Variants in CSMD1 observed in about 807,000 individuals in gnomAD.
CSMD1 encodes CUB and sushi domain-containing protein 1.
CSMD1 carries 213 observed loss-of-function variants against 417.5 expected under a neutral mutation model. The ratio of observed to expected loss-of-function variants is 0.51; its 90% confidence interval spans 0.46 to 0.57. The LOEUF (loss-of-function observed/expected upper bound fraction) is 0.57. Among genes scored for constraint, CSMD1 ranks in the 20% least tolerant of loss-of-function variants. The probability of loss-of-function intolerance (pLI) is 0.00; values close to 1 mark genes in which losing one functional copy is unlikely to be tolerated. For synonymous variants in CSMD1, 2,862 were observed against 1,736.8 expected (o/e 1.65, Z -16.11); for missense variants, 6,923 against 4,529.7 (o/e 1.53, Z -15.17).
In CSMD1 at chr8:2,974,516, A is replaced by G. The variant is rs373809060; in HGVS notation, c.8675T>C (p.Ile2892Thr). The G allele has an allele frequency of 5.0e-6, 8 of 1,613,658 alleles. No individual in the cohort carries two copies. The Admixed American group carries it at 8.3e-5, about 17-fold the overall frequency. Residue 2892 changes from isoleucine (I) to threonine (T), a missense_variant, in exon 56 of 70, where the codon ATA (isoleucine) becomes ACA (threonine). Ile to Thr is a moderately conservative substitution (Grantham distance 89). Coordinates refer to ENST00000635120, the MANE Select transcript of CSMD1 (RefSeq NM_033225.6). ...CTGGCACACTCTCGTGTCGTTGCCT[A>G]TGAGGCTCTCGCTCCCTCTGCAGGA... ...HYSCRGSESL[I>T]GNDTRVCQED...
intron 1 of CSMD1, among the ~76,000 whole-genome samples, chr8:4,818,069 A>G (rs1468445795): frequency 6.6e-6 from 1 of 152,172 alleles, no homozygotes; most frequent in Non-Finnish European, 1.5e-5. Flanking sequence ...AAGGTAACCA[A>G]CTCAGGAGGA....
chr8:3,025,514 G>A (rs1005733765), intron 51 of CSMD1, among the ~76,000 whole-genome samples: 46 of 152,182 alleles, frequency 3.0e-4, no homozygotes, highest in Admixed American at 2.9e-3. Context: ...GTGTTATTCC[G>A]AAACAGCTCT....
rs76469332 is a variant in CSMD1 at position 4,150,208 on chromosome 8, G to A, written c.416-118109C>T. ...GCATCTGTCTTGTAGTCACAGGATCGGCCCCAGGAAAACAGGGCCATTTTT... is the reference window on the plus strand; with the variant it reads ...GCATCTGTCTTGTAGTCACAGGATCAGCCCCAGGAAAACAGGGCCATTTTT... On this transcript the variant is annotated intron_variant, in intron 3 of 69. Coordinates refer to ENST00000635120, the MANE Select transcript of CSMD1 (RefSeq NM_033225.6). 4.2e-3 allele frequency among the ~76,000 whole-genome samples: 643 copies of A among 152,178 alleles called. 5 individuals are homozygous for A. The highest frequency in any genetic ancestry group is 0.014 in the Middle Eastern group (4 of 294).
chr8:3,300,510 C>G (rs558065495), intron 25 of CSMD1, among the ~76,000 whole-genome samples: 1 of 152,090 alleles, frequency 6.6e-6, no homozygotes, highest in Non-Finnish European at 1.5e-5. Flanking sequence ...ACTGACTCTG[C>G]TTTATAGAAA....
intron 3 of CSMD1, among the ~76,000 whole-genome samples, chr8:4,068,012 C>T (rs190896500): frequency 5.3e-5 from 8 of 151,822 alleles, no homozygotes; most frequent in East Asian, 3.9e-4. Flanking sequence ...TGAGTGGGGG[C>T]GAAGGTTGCA....
At chr8:4,519,597 C>T (rs1159805333) in intron 2 of CSMD1, among the ~76,000 whole-genome samples, 2 of 150,908 alleles carry the variant, frequency 1.3e-5, no homozygotes, top group East Asian at 2.0e-4. Flanking sequence ...AAAATTAGCC[C>T]GACATGGTTG....
intron 7 of CSMD1, among the ~76,000 whole-genome samples, chr8:3,666,520 C>A (rs2117490016): frequency 6.6e-6 from 1 of 152,284 alleles, no homozygotes; most frequent in South Asian, 2.1e-4. Context: ...ATTCTTTCAA[C>A]AAGCCTTTTT....
intron 17 of CSMD1, among the ~76,000 whole-genome samples, chr8:3,393,104 A>G (rs973848976): frequency 1.3e-4 from 20 of 152,112 alleles, no homozygotes; most frequent in African/African-American, 4.8e-4. Context: ...ATCCCAAGTC[A>G]AGGTTCAGTA....
At chr8:4,232,235 A>C (rs180924253) in intron 3 of CSMD1, among the ~76,000 whole-genome samples, 1 of 152,122 alleles carries the variant, frequency 6.6e-6, no homozygotes, top group Non-Finnish European at 1.5e-5. Flanking sequence ...TCGCTCTGTC[A>C]GTCACCAGGC....
chr8:4,011,906 G>C (rs1816568793), intron 4 of CSMD1, among the ~76,000 whole-genome samples: 1 of 152,040 alleles, frequency 6.6e-6, no homozygotes, highest in African/African-American at 2.4e-5. Context: ...AATTTTATTT[G>C]CATATAACTT....
At chr8:3,713,597 C>A (rs1317034732) in intron 6 of CSMD1, among the ~76,000 whole-genome samples, 1 of 152,174 alleles carries the variant, frequency 6.6e-6, no homozygotes, top group Admixed American at 6.5e-5. Context: ...ATCTTCTGCT[C>A]TTAATACACC....
At chr8:3,382,586 A>G (rs920489349) in intron 18 of CSMD1, among the ~76,000 whole-genome samples, 12 of 115,236 alleles carry the variant, frequency 1.0e-4, no homozygotes, top group African/African-American at 3.8e-4. Context: ...TAATAGATAT[A>G]TAAATATCTC....
At chr8:4,091,877 G>A (rs139252613) in intron 3 of CSMD1, among the ~76,000 whole-genome samples, 123 of 152,236 alleles carry the variant, frequency 8.1e-4, no homozygotes, top group Middle Eastern at 3.4e-3. Flanking sequence ...ATTAGACTCC[G>A]CATTGTAAGA....
At chr8:3,529,053 G>C (rs914429129) in intron 10 of CSMD1, among the ~76,000 whole-genome samples, 35 of 152,246 alleles carry the variant, frequency 2.3e-4, no homozygotes, top group African/African-American at 7.7e-4. Flanking sequence ...GCTCACTTTA[G>C]TACAAGCTGT....
chr8:3,924,770 G>A (rs1809522953), intron 5 of CSMD1, among the ~76,000 whole-genome samples: 1 of 141,394 alleles, frequency 7.1e-6, no homozygotes. Flanking sequence ...TTGTTTTTCT[G>A]GTACTCTTCA....
chr8:3,695,440 T>C (rs917990748), intron 7 of CSMD1, among the ~76,000 whole-genome samples: 3 of 152,124 alleles, frequency 2.0e-5, no homozygotes, highest in East Asian at 1.9e-4. Flanking sequence ...TCTTGGTAGA[T>C]TGAATATTAA....
intron 50 of CSMD1, among the ~76,000 whole-genome samples, chr8:3,036,418 T>A (rs904621312): frequency 6.6e-6 from 1 of 152,214 alleles, no homozygotes; most frequent in Non-Finnish European, 1.5e-5. Flanking sequence ...GTCTCCCCTA[T>A]CGTACTCAAT....
intron 5 of CSMD1, among the ~76,000 whole-genome samples, chr8:3,794,519 A>G (rs1044339240): frequency 1.3e-5 from 2 of 152,208 alleles, no homozygotes; most frequent in Admixed American, 6.5e-5. Flanking sequence ...ATTGTGTGTT[A>G]TAATACTAAA....
intron 10 of CSMD1, among the ~76,000 whole-genome samples, chr8:3,499,965 G>C (rs1014545351): frequency 6.6e-6 from 1 of 152,198 alleles, no homozygotes; most frequent in East Asian, 1.9e-4. Context: ...GCTGCAGGTA[G>C]CTCCCTACCC....
Sources: allele counts gnomAD v4.1 joint callset (sites outside exome capture counted in the v4.1 genomes callset), GRCh38; gene constraint gnomAD v4.1.1; transcripts MANE v1.5; gene names NCBI Gene and HGNC (gene_info 2026-07-23, HGNC 2026-07-21).